Variants in PTPRD observed in about 807,000 individuals in gnomAD.
The protein encoded by PTPRD is receptor-type tyrosine-protein phosphatase delta.
PTPRD carries 34 observed loss-of-function variants against 214.5 expected under a neutral mutation model. The ratio of observed to expected loss-of-function variants is 0.16; its 90% CI spans 0.12 to 0.21. The LOEUF is 0.21. PTPRD is among the 10% of genes least tolerant of loss of function. The pLI is 1.00. For synonymous variants in PTPRD, 1,128 were observed against 845.7 expected, an observed-to-expected ratio of 1.33 and a Z score of -5.79; for missense variants, 2,545 against 2,398.7, an observed-to-expected ratio of 1.06 and a Z score of -1.27.
intron 5 of PTPRD, among the ~76,000 whole-genome samples, chr9:9,865,648 T>C (rs116942451): frequency 1.3e-5 from 2 of 152,148 alleles, no homozygotes; most frequent in African/African-American, 4.8e-5. Context: ...AAGACAATAA[T>C]GGGAGAAATA....
chr9:10,041,352 G>T (rs1004224597), intron 3 of PTPRD, among the ~76,000 whole-genome samples: 1 of 151,836 alleles, frequency 6.6e-6, no homozygotes, highest in Non-Finnish European at 1.5e-5. Flanking sequence ...AAATTCAGTG[G>T]AACTGATTTC....
chr9:8,932,222 G>A (rs1417002774), intron 11 of PTPRD, among the ~76,000 whole-genome samples: 1 of 151,950 alleles, frequency 6.6e-6, no homozygotes, highest in East Asian at 1.9e-4. Context: ...GTTTGCTCTT[G>A]CCTCTCTAGT....
intron 2 of PTPRD, among the ~76,000 whole-genome samples, chr9:10,546,208 T>A (rs1048472012): frequency 1.3e-5 from 2 of 152,168 alleles, no homozygotes; most frequent in African/African-American, 4.8e-5. Context: ...GTATTTATTT[T>A]TTTTTCTATG....
At chr9:8,585,641 G>C (rs542695523) in intron 14 of PTPRD, among the ~76,000 whole-genome samples, 139 of 152,288 alleles carry the variant, frequency 9.1e-4, no homozygotes, top group African/African-American at 2.9e-3. Flanking sequence ...AGATTTCTTA[G>C]TATCCTTTAC....
chr9:9,407,668 G>A (rs140086109), intron 8 of PTPRD, among the ~76,000 whole-genome samples: 3 of 151,704 alleles, frequency 2.0e-5, no homozygotes, highest in African/African-American at 2.4e-5. Context: ...TAGTCTTCAC[G>A]CTGCTAAGAC....
intron 3 of PTPRD, among the ~76,000 whole-genome samples, chr9:10,203,476 A>C (rs2099443582): frequency 6.6e-6 from 1 of 152,054 alleles, no homozygotes; most frequent in Non-Finnish European, 1.5e-5. Flanking sequence ...CCACATTTTG[A>C]AGCAGAAACT....
intron 14 of PTPRD, among the ~76,000 whole-genome samples, chr9:8,592,316 T>C (rs1433555103): frequency 6.6e-6 from 1 of 152,152 alleles, no homozygotes; most frequent in African/African-American, 2.4e-5. Flanking sequence ...TAAAATATCC[T>C]TTCCGCTTTA....
intron 9 of PTPRD, among the ~76,000 whole-genome samples, chr9:9,375,986 T>C (rs1013285154): frequency 6.6e-6 from 1 of 152,144 alleles, no homozygotes; most frequent in Admixed American, 6.6e-5. Flanking sequence ...AAAATGTCTG[T>C]CAGGATTTAA....
chr9:10,159,605 C>G (rs956169021), intron 3 of PTPRD, among the ~76,000 whole-genome samples: 8 of 151,722 alleles, frequency 5.3e-5, no homozygotes, highest in Admixed American at 4.6e-4. Flanking sequence ...TCAGTGATCT[C>G]CCAGATAACA....
intron 5 of PTPRD, among the ~76,000 whole-genome samples, chr9:9,854,130 A>G (rs11792187): frequency 2.0e-5 from 3 of 152,194 alleles, no homozygotes; most frequent in Non-Finnish European, 2.9e-5. Context: ...AACCATTGAC[A>G]GATCTCATAA....
intron 6 of PTPRD, among the ~76,000 whole-genome samples, chr9:9,751,292 C>T (rs1394440810): frequency 6.6e-6 from 1 of 152,058 alleles, no homozygotes; most frequent in South Asian, 2.1e-4. Context: ...TAAATCACTG[C>T]TCAAAGCTTG....
chr9:10,188,435 T>C (rs2099347614), intron 3 of PTPRD, among the ~76,000 whole-genome samples: 1 of 152,198 alleles, frequency 6.6e-6, no homozygotes, highest in African/African-American at 2.4e-5. Flanking sequence ...ATAGTTGTCT[T>C]TCCTAGACTT....
At chr9:8,499,125 G>T (rs2097340845) in intron 25 of PTPRD, among the ~76,000 whole-genome samples, 1 of 151,738 alleles carries the variant, frequency 6.6e-6, no homozygotes, top group Non-Finnish European at 1.5e-5. Flanking sequence ...TCATTTGCTG[G>T]GACATGAAAC....
At chr9:9,839,120 A>G (rs527994603) in intron 5 of PTPRD, among the ~76,000 whole-genome samples, 2 of 152,108 alleles carry the variant, frequency 1.3e-5, no homozygotes, top group Non-Finnish European at 2.9e-5. Flanking sequence ...TGTTCCATTG[A>G]TCTATATCTC....
At chr9:9,424,929 G>C (rs2080244384) in intron 8 of PTPRD, among the ~76,000 whole-genome samples, 1 of 152,184 alleles carries the variant, frequency 6.6e-6, no homozygotes, top group Non-Finnish European at 1.5e-5. Context: ...CACCAATCAA[G>C]AATTAGGTTA....
chr9:8,503,868 G>GT (rs200947778), intron 23 of PTPRD, among the ~76,000 whole-genome samples: 31 of 151,728 alleles, frequency 2.0e-4, no homozygotes, highest in South Asian at 6.3e-4. Context: ...AAAAAATAAA[G>GT]TTTTTTTTTG....
intron 8 of PTPRD, among the ~76,000 whole-genome samples, chr9:9,548,425 TA>T (rs1377387467): frequency 0.013 from 1,855 of 148,384 alleles, 23 homozygotes; most frequent in Admixed American, 0.019. Context: ...TTTTTTTTTT[TA>T]AGACGGAGTC....
chr9:10,556,272 A>C (rs2131330955), intron 2 of PTPRD, among the ~76,000 whole-genome samples: 1 of 152,170 alleles, frequency 6.6e-6, no homozygotes, highest in East Asian at 1.9e-4. Flanking sequence ...TGTTAGGTAG[A>C]AATGTAAAAT....
intron 2 of PTPRD, among the ~76,000 whole-genome samples, chr9:10,597,047 G>A (rs971123144): frequency 6.6e-6 from 1 of 150,788 alleles, no homozygotes; most frequent in Non-Finnish European, 1.5e-5. Context: ...TCCTATCTAG[G>A]TTATAGTCTT....
Sources: gnomAD v4.1 joint callset for allele counts (sites outside exome capture counted in the v4.1 genomes callset) on GRCh38, gnomAD v4.1.1 for gene constraint, MANE v1.5 for transcripts, NCBI Gene and HGNC (gene_info 2026-07-23, HGNC 2026-07-21) for gene names.